The following TUBGCP5 variants were observed in gnomAD, a reference collection of about 807,000 sequenced individuals.
TUBGCP5 encodes tubulin gamma complex component 5, also known as gamma-tubulin complex component 5.
In TUBGCP5, 98 loss-of-function variants were observed where a neutral mutation model predicts 134.7. That is an observed-to-expected ratio of 0.73 (90% CI 0.62 to 0.86). The LOEUF is 0.86. Ranked by LOEUF, TUBGCP5 falls within the 40% of genes least tolerant of loss-of-function variation. The probability of loss-of-function intolerance (pLI) is 0.00; values close to 1 mark genes in which losing one functional copy is unlikely to be tolerated. For synonymous variants in TUBGCP5, 456 were observed against 431.4 expected, an observed-to-expected ratio of 1.06 and a Z score of -0.71; for missense variants, 1,150 against 1,244.8, an observed-to-expected ratio of 0.92 and a Z score of 1.15.
chr15:23,010,095 G>A lies in TUBGCP5; in HGVS notation c.1994C>T (p.Ala665Val). 6.2e-7 allele frequency: 1 copy of A among 1,613,794 alleles called. No individual in the cohort carries two copies. Among genetic ancestry groups the A allele is most frequent in the Non-Finnish European group, 8.5e-7 (1 of 1,179,848 alleles). ...LEQSDFHEKF[A>V]GGDVCVDRSS... is the part of the protein sequence containing the mutation. ...TCTATCCACACATACATCACCACCA[G>A]CAAACTTCTCGTGAAAGTCACTCTG... The change falls in exon 15 of 23, where the codon GCT (alanine) becomes GTT (valine). Residue 665 changes from alanine (A) to valine (V), a missense_variant. Physicochemically the swap from Ala to Val is moderately conservative, Grantham distance 64 (BLOSUM62 0). Transcript: ENST00000615383.
At chr15:23,000,728 C>T in intron 21 of TUBGCP5, 59 bp from the exon 22 acceptor site, 1 of 1,248,690 alleles carries the variant, frequency 8.0e-7, no homozygotes, top group Non-Finnish European at 1.1e-6. Context: ...AGGTAGGCTT[C>T]AAGATATCTG....
At chr15:22,997,643 G>A (rs1291318010), downstream of TUBGCP5, among the ~76,000 whole-genome samples, 1 of 151,446 alleles carries the variant, frequency 6.6e-6, no homozygotes, top group Non-Finnish European at 1.5e-5. Flanking sequence ...CTGAGACAGA[G>A]TCTCGCTCTG....
At chr15:22,985,861 C>T (rs8035031) in intron 23 of TUBGCP5, among the ~76,000 whole-genome samples, 30,193 of 148,198 alleles carry the variant, frequency 0.2, 3,136 homozygotes, top group African/African-American at 0.23. Context: ...AGGCCGGGCA[C>T]GGTGGCTCAT....
At chr15:23,027,738 C>A (rs1375649749) in intron 6 of TUBGCP5, among the ~76,000 whole-genome samples, 1 of 151,468 alleles carries the variant, frequency 6.6e-6, no homozygotes, top group African/African-American at 2.4e-5. Context: ...CACAGTAAGA[C>A]CCTATCTCAA....
chr15:23,010,307 G>A (rs573483870), intron 14 of TUBGCP5, among the ~76,000 whole-genome samples, 174 bp from the exon 15 acceptor site: 1 of 152,276 alleles, frequency 6.6e-6, no homozygotes, highest in African/African-American at 2.4e-5. Context: ...TCTTGAAGTT[G>A]CCACTGACTT....
At chr15:23,005,864 T>C (rs2064678728) in intron 18 of TUBGCP5, 188 bp downstream of exon 18, 2 of 681,660 alleles carry the variant, frequency 2.9e-6, no homozygotes, top group Non-Finnish European at 4.8e-6. Context: ...TTCAGGCATT[T>C]GATGTCCATA....
intron 12 of TUBGCP5, 116 bp from the exon 13 acceptor site, chr15:23,018,157 A>G (rs1412947007): frequency 1.9e-6 from 2 of 1,076,878 alleles, no homozygotes; most frequent in Admixed American, 6.1e-5. Context: ...AGTAAACTGA[A>G]GCAAACTTTA....
intron 1 of TUBGCP5, among the ~76,000 whole-genome samples, chr15:23,037,814 CAGTT>C (rs2066681399): frequency 6.6e-6 from 1 of 152,190 alleles, no homozygotes; most frequent in Admixed American, 6.5e-5. Flanking sequence ...TGCTACTTTT[CAGTT>C]AGAGAAAAGT....
At chr15:23,028,776 G>A (rs147505988) in intron 6 of TUBGCP5, among the ~76,000 whole-genome samples, 13 of 152,228 alleles carry the variant, frequency 8.5e-5, no homozygotes, top group African/African-American at 9.6e-5. Context: ...CTTCTGCTAC[G>A]GACTAGAGGG....
In TUBGCP5 at chr15:23,004,680, A is replaced by C. The variant is rs2064601123; in HGVS notation, c.2713-453T>G. The C allele has an allele frequency of 3.9e-5, 6 of 154,096 alleles. 1 individual carries two copies. In the Admixed American group the frequency reaches 3.9e-4, roughly 10 times the overall value. The allele number at this position is 154,096 out of a possible 1,614,324, so 9.5% of individuals were successfully genotyped here. A position where few individuals can be genotyped will look rare whatever the true frequency, so the allele number is the denominator to read the frequency against. ...CTCAAATAAAAAACAAACTAAGAAAAAACTTAAACTCTTATCATTTACTCT... is the reference window on the plus strand; with the variant it reads ...CTCAAATAAAAAACAAACTAAGAAACAACTTAAACTCTTATCATTTACTCT... On this transcript the variant is annotated intron_variant, in intron 19 of 22. Transcript: ENST00000615383.
Position 23,037,151 on chromosome 15 carries a change from A to C in TUBGCP5, c.148T>G (p.Phe50Val), listed in dbSNP as rs770120813. 3 of 1,612,972 alleles carry C rather than the reference A, an allele frequency of 1.9e-6. No individual in the cohort carries two copies. Among genetic ancestry groups the C allele is most frequent in the South Asian group, 1.1e-5 (1 of 90,876 alleles). The change falls in exon 2 of 23, where the codon TTT (phenylalanine) becomes GTT (valine). Residue 50 changes from phenylalanine (F) to valine (V), a missense_variant and splice_region_variant. By Grantham distance (50) the Phe-to-Val change is conservative (BLOSUM62 -1). This residue lies in a region of TUBGCP5 where 453 missense variants were observed against 394.7 expected (regional missense o/e 1.15). Coordinates refer to ENST00000615383, the MANE Select transcript of TUBGCP5 (RefSeq NM_052903.6). ...ALNFAWSNFR[F>V]HRFLDVNSHK... ...CTGTTGACATCCAAGAAACGATGAA[A>C]TCTATTAAAGACAAAATGCAATTCT...
intron 8 of TUBGCP5, among the ~76,000 whole-genome samples, chr15:23,025,640 G>A (rs2065938816): frequency 6.6e-6 from 1 of 152,092 alleles, no homozygotes; most frequent in Non-Finnish European, 1.5e-5. Context: ...AGACCATCCT[G>A]GCTAACATGG....
chr15:23,005,080 T>G (rs142951174), intron 19 of TUBGCP5, among the ~76,000 whole-genome samples: 88 of 152,348 alleles, frequency 5.8e-4, no homozygotes, highest in African/African-American at 2.1e-3. Context: ...CCGTAGTGGA[T>G]TTTGGCTGTT....
chr15:23,017,763 G>C lies in TUBGCP5; in HGVS notation c.1756+10C>G. ...ACACCAAGAGAGACACAGGAAGACG[G>C]AACAAGTACCTCTGGCTCCTGCCTG... On this transcript the variant is annotated intron_variant, in intron 13 of 22. Coordinates refer to ENST00000615383, the MANE Select transcript of TUBGCP5 (RefSeq NM_052903.6). 1.9e-6 allele frequency: 3 copies of C among 1,610,898 alleles called. No homozygotes were observed. Among genetic ancestry groups the C allele is most frequent in the Non-Finnish European group, 2.5e-6 (3 of 1,177,890 alleles).
At position 23,027,249 on chromosome 15, in the gene TUBGCP5, G is replaced by A; in HGVS notation, c.680C>T (p.Ala227Val). ...EHHVVHQYWT[A>V]RPSQFPHSLH... ...ACTATGAGGAAACTGGGAGGGCCTGGCTGTCCAGTACTGATGGACCACATG... is the reference window on the plus strand; with the variant it reads ...ACTATGAGGAAACTGGGAGGGCCTGACTGTCCAGTACTGATGGACCACATG... The change falls in exon 7 of 23, where the codon GCC (alanine) becomes GTC (valine). Residue 227 changes from alanine (A) to valine (V), a missense_variant. Transcript: ENST00000615383. The A allele has an allele frequency of 5.0e-6, 8 of 1,614,002 alleles. 1 individual carries two copies. Among genetic ancestry groups the A allele is most frequent in the Non-Finnish European group, 6.8e-6 (8 of 1,179,966 alleles).
At chr15:22,986,133 CAAAAAA>C (rs35699215) in intron 23 of TUBGCP5, among the ~76,000 whole-genome samples, 36 of 114,106 alleles carry the variant, frequency 3.2e-4, no homozygotes, top group African/African-American at 1.1e-3. Context: ...GACTCTGTCT[CAAAAAA>C]AAAAAAAAAA....
intron 23 of TUBGCP5, among the ~76,000 whole-genome samples, chr15:22,988,221 C>T (rs151023597): frequency 0.056 from 8,468 of 151,868 alleles, 329 homozygotes; most frequent in Non-Finnish European, 0.087. Flanking sequence ...GGCCCTAAAT[C>T]CAATAAGCAG....
chr15:23,036,906 C>CT lies in TUBGCP5; in HGVS notation c.299dup (p.Glu101GlyfsTer33). On this transcript the variant is annotated frameshift_variant, in exon 3 of 23. Coordinates refer to ENST00000615383, the MANE Select transcript of TUBGCP5 (RefSeq NM_052903.6). LOFTEE classifies it high-confidence loss of function. The stretch of plus-strand genomic sequence containing the variant: ...ATAATTGAAGGCATACCTTTATTTC[C>CT]TTTATACTGGGAAGTGGTGCATTTA... 1 of 1,601,456 alleles carries CT rather than the reference C, an allele frequency of 6.2e-7. No homozygotes were observed.
rs371411404 is a variant in TUBGCP5, at chr15:22,990,312, C to T, written c.*61+6533G>A. 5.3e-5 allele frequency among the ~76,000 whole-genome samples: 8 copies of T among 151,938 alleles called. 1 individual carries two copies. Among genetic ancestry groups the T allele is most frequent in the South Asian group, 2.1e-4 (1 of 4,802 alleles). On this transcript the variant is annotated intron_variant and NMD_transcript_variant, in intron 23 of 23. Transcript: ENST00000614508. The stretch of plus-strand genomic sequence containing the variant: ...CTAGGGCACTCTCTGACTCCCACTA[C>T]GGGCACTGCACCCCATCTCAGAGTA...
Sources: allele counts gnomAD v4.1 joint callset (sites outside exome capture counted in the v4.1 genomes callset), GRCh38; gene constraint gnomAD v4.1.1; regional missense constraint gnomAD v4.1.1; transcripts MANE v1.5; gene names NCBI Gene and HGNC (gene_info 2026-07-23, HGNC 2026-07-21).